The following GNAS-AS1 variants were observed in gnomAD, a reference collection of about 807,000 sequenced individuals.
GNAS-AS1 encodes the protein GNAS antisense RNA 1 (non-protein coding).
intron 2 of GNAS-AS1, among the ~76,000 whole-genome samples, chr20:58,846,979 T>A (rs1184063882): frequency 6.6e-6 from 1 of 152,166 alleles, no homozygotes; most frequent in Non-Finnish European, 1.5e-5. Flanking sequence ...GTGCTGTTCA[T>A]CTTTTCTGGA....
intron 4 of GNAS-AS1, among the ~76,000 whole-genome samples, chr20:58,822,511 G>A (rs4812034): frequency 6.6e-6 from 1 of 151,974 alleles, no homozygotes; most frequent in Non-Finnish European, 1.5e-5. Flanking sequence ...TAAAATCTGC[G>A]GACACCTAAA....
At chr20:58,846,013 C>T (rs2085927243) in intron 2 of GNAS-AS1, among the ~76,000 whole-genome samples, 2 of 152,088 alleles carry the variant, frequency 1.3e-5, no homozygotes, top group African/African-American at 2.4e-5. Context: ...GAAAGGCCAA[C>T]ATAAACCCAG....
intron 4 of GNAS-AS1, among the ~76,000 whole-genome samples, chr20:58,825,495 C>A (rs901192678): frequency 6.6e-6 from 1 of 152,140 alleles, no homozygotes; most frequent in African/African-American, 2.4e-5. Flanking sequence ...CTTAACCAGA[C>A]GCCAGGGATA....
At position 58,841,824 on chromosome 20, in the gene GNAS-AS1, G is replaced by C; in HGVS notation, n.819+113C>G. ...ATGCGGCTTAGCAGGAGACGTCCTG[G>C]GCTGTTTGCGCAGGACCTCTGGAGG... On this transcript the variant is annotated intron_variant and non_coding_transcript_variant, in intron 4 of 4. Coordinates refer to ENST00000424094, the Ensembl canonical transcript of GNAS-AS1. This position sits in a 1 kb window ranked among gnomAD's most constrained non-coding sequence, Gnocchi z 5.0. The C allele has an allele frequency of 8.1e-7, 1 of 1,230,940 alleles. No homozygotes were observed. 76.3% of individuals were successfully genotyped at this position (1,230,940 alleles called of 1,614,324 possible). A position where few individuals can be genotyped will look rare whatever the true frequency, so the allele number is the denominator to read the frequency against.
Position 58,840,496 on chromosome 20 carries a change from G to A in GNAS-AS1, n.819+1441C>T, listed in dbSNP as rs1345403266. On this transcript the variant is annotated intron_variant and non_coding_transcript_variant, in intron 4 of 4. Coordinates refer to ENST00000424094, the Ensembl canonical transcript of GNAS-AS1. The surrounding 1 kb of genome is among the most constrained non-coding windows in gnomAD (Gnocchi z 6.0). ...AGACCGACTTCGAGACCGAGCCTGA[G>A]ACCGCCCCCACCACTGAGCCCGAGA... is the stretch of plus-strand genomic sequence containing the variant. The A allele has an allele frequency of 6.2e-7, 1 of 1,613,276 alleles. No individual in the cohort carries two copies. Among genetic ancestry groups the A allele is most frequent in the Non-Finnish European group, 8.5e-7 (1 of 1,179,776 alleles).
chr20:58,820,047 C>A (rs2085475446), intron 4 of GNAS-AS1, among the ~76,000 whole-genome samples: 1 of 152,240 alleles, frequency 6.6e-6, no homozygotes, highest in Non-Finnish European at 1.5e-5. Flanking sequence ...GCACTCTGTG[C>A]CCCACCAGAG....
At chr20:58,850,875 C>T in exon 1 of GNAS-AS1, 1 of 398,840 alleles carries the variant, frequency 2.5e-6, no homozygotes, top group Non-Finnish European at 4.4e-6. Context: ...AGCAGCACCT[C>T]TTCGGGCGTT....
chr20:58,842,567 G>A (rs1311094066), intron 2 of GNAS-AS1: 2 of 398,488 alleles, frequency 5.0e-6, no homozygotes, highest in Non-Finnish European at 8.8e-6. Context: ...GGAGAAACTA[G>A]TTTATTTGCA....
chr20:58,824,508 C>T (rs1281272801), intron 4 of GNAS-AS1, among the ~76,000 whole-genome samples: 1 of 152,200 alleles, frequency 6.6e-6, no homozygotes, highest in Non-Finnish European at 1.5e-5. Flanking sequence ...GGCCCACCCC[C>T]AAATGCCCTG....
intron 4 of GNAS-AS1, among the ~76,000 whole-genome samples, chr20:58,832,170 A>C (rs909668435): frequency 2.2e-4 from 34 of 151,444 alleles, no homozygotes; most frequent in Non-Finnish European, 3.1e-4. Context: ...GCCTGAAAAT[A>C]TAATTAAAAA....
chr20:58,842,743 A>G lies in GNAS-AS1; in HGVS notation n.414-198T>C, dbSNP rs952341907. On this transcript the variant is annotated intron_variant and non_coding_transcript_variant, in intron 2 of 4. Transcript: ENST00000424094. Reference sequence around the variant, plus strand: ...TTAAGTGTTCAGTTTTTCCTCTGGTAATGTCTCAGCCTGAGTTCACCAAGC... The same window carrying G: ...TTAAGTGTTCAGTTTTTCCTCTGGTGATGTCTCAGCCTGAGTTCACCAAGC... Among the ~76,000 whole-genome samples the G allele has an allele frequency of 6.6e-5, 10 of 152,306 alleles. 1 individual carries two copies. In the South Asian group the frequency reaches 1.9e-3, roughly 28 times the overall value.
At chr20:58,830,645 A>AC (rs2085562454) in intron 4 of GNAS-AS1, among the ~76,000 whole-genome samples, 1 of 51,376 alleles carries the variant, frequency 1.9e-5, no homozygotes, top group Admixed American at 2.0e-4. Flanking sequence ...CCACACCACC[A>AC]CACCACCATC....
At chr20:58,845,582 C>A (rs1463531284) in intron 2 of GNAS-AS1, among the ~76,000 whole-genome samples, 1 of 152,120 alleles carries the variant, frequency 6.6e-6, no homozygotes, top group Admixed American at 6.5e-5. Flanking sequence ...TGATGTAGCA[C>A]CCATTTTTGT....
At chr20:58,845,708 C>A (rs372501028) in intron 2 of GNAS-AS1, among the ~76,000 whole-genome samples, 1 of 152,120 alleles carries the variant, frequency 6.6e-6, no homozygotes, top group Non-Finnish European at 1.5e-5. Flanking sequence ...TTTTTTCAAA[C>A]GCCTCCAATA....
chr20:58,830,622 AT>A (rs1383087417), intron 4 of GNAS-AS1, among the ~76,000 whole-genome samples: 2 of 111,888 alleles, frequency 1.8e-5, no homozygotes, highest in Non-Finnish European at 3.8e-5. Flanking sequence ...CCACACCACC[AT>A]CACCACCACC....
chr20:58,847,383 C>T (rs2085977561), intron 2 of GNAS-AS1, among the ~76,000 whole-genome samples: 1 of 152,226 alleles, frequency 6.6e-6, no homozygotes, highest in Non-Finnish European at 1.5e-5. Flanking sequence ...GCTGCTGCCT[C>T]CACCGGCCAA....
chr20:58,837,086 A>G (rs549215958), intron 4 of GNAS-AS1, among the ~76,000 whole-genome samples: 24 of 152,330 alleles, frequency 1.6e-4, no homozygotes, highest in Non-Finnish European at 3.1e-4. Flanking sequence ...TATGTACACT[A>G]AAGAATCATA....
chr20:58,823,840 G>C (rs750411502), intron 4 of GNAS-AS1, among the ~76,000 whole-genome samples: 2 of 152,240 alleles, frequency 1.3e-5, no homozygotes, highest in African/African-American at 2.4e-5. Context: ...AGTGCTCACA[G>C]GAACAAGGGT....
intron 4 of GNAS-AS1, among the ~76,000 whole-genome samples, chr20:58,838,042 C>A: frequency 6.6e-6 from 1 of 152,184 alleles, no homozygotes; most frequent in East Asian, 1.9e-4. Flanking sequence ...TAAGATTCCC[C>A]ATACTGACTC....
Sources: gnomAD v4.1 joint callset for allele counts (sites outside exome capture counted in the v4.1 genomes callset) on GRCh38, gnomAD v4.1.1 for gene constraint, Gnocchi (gnomAD v3.1) non-coding constraint, MANE v1.5 for transcripts, NCBI Gene and HGNC (gene_info 2026-07-23, HGNC 2026-07-21) for gene names.